The following SORL1 variants were observed in gnomAD, a reference collection of about 807,000 sequenced individuals.
SORL1 encodes sortilin-related receptor.
In SORL1, 127 loss-of-function variants were observed where a neutral mutation model predicts 273.7. That is an observed-to-expected ratio of 0.46 (90% CI 0.40 to 0.54). The LOEUF is 0.54. Ranked by LOEUF, SORL1 falls within the 20% of genes least tolerant of loss-of-function variation. The probability of loss-of-function intolerance (pLI) is 0.00; values close to 1 mark genes in which losing one functional copy is unlikely to be tolerated. For synonymous variants in SORL1, 1,031 were observed against 1,067.4 expected (o/e 0.97, Z 0.66); for missense variants, 2,494 against 2,846.1 (o/e 0.88, Z 2.81).
At chr11:121,621,598 G>T (rs1009263949) in intron 44 of SORL1, among the ~76,000 whole-genome samples, 1 of 152,202 alleles carries the variant, frequency 6.6e-6, no homozygotes, top group African/African-American at 2.4e-5. Context: ...TGGATGACAG[G>T]TTCTCAGTGG....
chr11:121,548,366 G>T (rs1267283480), intron 14 of SORL1, among the ~76,000 whole-genome samples: 7 of 152,178 alleles, frequency 4.6e-5, no homozygotes, highest in African/African-American at 4.8e-5. Flanking sequence ...TTCCTAAAAA[G>T]ATTTAAAGTG....
In SORL1 at chr11:121,625,286, C is replaced by G. The variant is rs779970199; in HGVS notation, c.6364+9C>G. On this transcript the variant is annotated intron_variant, in intron 46 of 47. Coordinates refer to ENST00000260197, the MANE Select transcript of SORL1 (RefSeq NM_003105.6). The stretch of plus-strand genomic sequence containing the variant: ...CGATGAGCTGGGGTCTGGTGAGTTG[C>G]GATTGCTGCCCGTTTCTGTCTTCAG... 1.3e-6 allele frequency: 2 copies of G among 1,597,704 alleles called. No individual in the cohort carries two copies. Among genetic ancestry groups the G allele is most frequent in the African/African-American group, 1.3e-5 (1 of 74,412 alleles).
Position 121,591,018 on chromosome 11 carries a change from T to G in SORL1, c.4231T>G (p.Phe1411Val), listed in dbSNP as rs1225063055. Residue 1411 changes from phenylalanine to valine, a missense_variant, in exon 31 of 48, where the codon TTC becomes GTC. By Grantham distance (50) the Phe-to-Val change is conservative. Around this residue, in one of 3 missense-constraint regions of SORL1, gnomAD observed 1,609 missense variants for 1,816.4 expected, o/e 0.89. Transcript: ENST00000260197. ...KDCGDSHILPFSTPGPSTCLP... is the reference protein window; with the variant it reads ...KDCGDSHILPVSTPGPSTCLP... Reference sequence around the variant, plus strand: ...TTTCTCAGATTCACATATTCTTCCCTTCTCGACTCCTGGGCCCTCCACGTG... The same window carrying G: ...TTTCTCAGATTCACATATTCTTCCCGTCTCGACTCCTGGGCCCTCCACGTG... 6.2e-7 allele frequency: 1 copy of G among 1,614,132 alleles called. No individual in the cohort carries two copies. Among genetic ancestry groups the G allele is most frequent in the African/African-American group, 1.3e-5 (1 of 74,952 alleles).
Position 121,470,044 on chromosome 11 carries a change from A to G in SORL1, c.323A>G (p.His108Arg), listed in dbSNP as rs781496618. The G allele has an allele frequency of 5.0e-6, 8 of 1,614,160 alleles. No homozygotes were observed. The highest frequency in any genetic ancestry group is 6.8e-6 in the Non-Finnish European group (8 of 1,180,012). Residue 108 changes from histidine to arginine, a missense_variant, in exon 2 of 48, where the codon CAC becomes CGC. Physicochemically the swap from His to Arg is conservative, Grantham distance 29 (BLOSUM62 0). Transcript: ENST00000260197. ...LNDSHNQMVV[H>R]WAGEKSNVIV... is the part of the protein sequence containing the mutation. ...GATTCCCACAATCAGATGGTGGTGC[A>G]CTGGGCTGGAGAGAAAAGCAACGTG...
chr11:121,488,341 C>T (rs1036216357), intron 4 of SORL1, 148 bp downstream of exon 4: 41 of 821,478 alleles, frequency 5.0e-5, no homozygotes, highest in Middle Eastern at 3.7e-4. Context: ...ATTTCACTTA[C>T]CAGGGCTCAA....
At chr11:121,547,457 A>G (rs1391915435) in intron 14 of SORL1, among the ~76,000 whole-genome samples, 1 of 142,094 alleles carries the variant, frequency 7.0e-6, no homozygotes, top group Non-Finnish European at 1.5e-5. Flanking sequence ...CACACACACA[A>G]GAAAAGAAAT....
At chr11:121,579,453 T>C (rs1301213121) in intron 25 of SORL1, among the ~76,000 whole-genome samples, 1 of 152,222 alleles carries the variant, frequency 6.6e-6, no homozygotes, top group Non-Finnish European at 1.5e-5. Flanking sequence ...TCCTCTTTGC[T>C]TTTCTTTTCG....
At chr11:121,538,002 C>G (rs573876024) in intron 12 of SORL1, among the ~76,000 whole-genome samples, 1 of 152,228 alleles carries the variant, frequency 6.6e-6, no homozygotes, top group Non-Finnish European at 1.5e-5. Flanking sequence ...TAGGTTCTCC[C>G]TTAGGTCTGC....
rs138099155 is a variant in SORL1 at position 121,604,221 on chromosome 11, C to G, written c.4548C>G (p.Ser1516Arg). Residue 1516 changes from serine to arginine, a missense_variant, in exon 33 of 48, where the codon AGC becomes AGG. By Grantham distance (110) the Ser-to-Arg change is moderately radical (BLOSUM62 -1). Coordinates refer to ENST00000260197, the MANE Select transcript of SORL1 (RefSeq NM_003105.6). ...CPTHSTLTCMSREFQCEDGEA... is the reference protein window; with the variant it reads ...CPTHSTLTCMRREFQCEDGEA... ...CACACAGCACCTTGACTTGCATGAG[C>G]AGGGAGTTCCAGTGCGAGGACGGGG... 1 of 1,614,138 alleles carries G rather than the reference C, an allele frequency of 6.2e-7. No individual in the cohort carries two copies. The highest frequency in any genetic ancestry group is 1.1e-5 in the South Asian group (1 of 91,082).
At chr11:121,489,551 A>AT (rs369113689) in intron 4 of SORL1, among the ~76,000 whole-genome samples, 3 of 152,092 alleles carry the variant, frequency 2.0e-5, no homozygotes, top group Non-Finnish European at 4.4e-5. Context: ...GCATGTGTCA[A>AT]TTTTTTTCTT....
rs776942512 is a variant in SORL1 at position 121,545,303 on chromosome 11, A to C, written c.1925A>C (p.Glu642Ala). The change falls in exon 14 of 48, where the codon GAG (glutamate) becomes GCG (alanine). Residue 642 changes from glutamate to alanine, a missense_variant. Coordinates refer to ENST00000260197, the MANE Select transcript of SORL1 (RefSeq NM_003105.6). The part of the protein sequence containing the change: ...LWSPSDERGN[E>A]CLLGHKTVFK... ...TCACCATCTGATGAGCGGGGGAATG[A>C]GTGTTTGCTGGGACACAAGACTGTT... 2.5e-6 allele frequency: 4 copies of C among 1,613,928 alleles called. No homozygotes were observed. Among genetic ancestry groups the C allele is most frequent in the Non-Finnish European group, 3.4e-6 (4 of 1,179,930 alleles).
rs1328935127 is a variant in SORL1 at position 121,476,148 on chromosome 11, C to T, written c.403-1970C>T. 2.6e-5 allele frequency among the ~76,000 whole-genome samples: 4 copies of T among 152,294 alleles called. No individual in the cohort carries two copies. The East Asian group carries it at 5.8e-4, about 22-fold the overall frequency. ...CAGAGCTGGAAGGGACTTTAGTTTC[C>T]TTCCTGAGAAGCCATTATTTTGCTC... On this transcript the variant is annotated intron_variant, in intron 2 of 47. Transcript: ENST00000260197.
chr11:121,612,716 T>C lies in SORL1; in HGVS notation c.5323-20T>C. The C allele has an allele frequency of 2.5e-6, 4 of 1,597,272 alleles. No individual in the cohort carries two copies. The highest frequency in any genetic ancestry group is 3.4e-6 in the Non-Finnish European group (4 of 1,164,726). On this transcript the variant is annotated intron_variant, in intron 39 of 47. Transcript: ENST00000260197. The stretch of plus-strand genomic sequence containing the variant: ...CCCATGACTAGCTGTTCATCTAACA[T>C]GCTTCTTGGTTCTCGGCAGGTGAAT...
At chr11:121,544,951 C>T (rs1423967010) in intron 13 of SORL1, among the ~76,000 whole-genome samples, 1 of 152,222 alleles carries the variant, frequency 6.6e-6, no homozygotes, top group African/African-American at 2.4e-5. Context: ...TCTGAGTACT[C>T]ATTTCTAAAG....
intron 2 of SORL1, among the ~76,000 whole-genome samples, chr11:121,477,397 G>T (rs1320526576): frequency 1.3e-5 from 2 of 152,240 alleles, no homozygotes; most frequent in Non-Finnish European, 2.9e-5. Context: ...CCATTCAACA[G>T]ATGGCAAAAC....
At position 121,513,080 on chromosome 11, in the gene SORL1, G is replaced by C. The variant is rs763839284; in HGVS notation, c.1017G>C (p.Gln339His). Residue 339 changes from glutamine to histidine, a missense_variant, in exon 7 of 48, where the codon CAG becomes CAC. Physicochemically the swap from Gln to His is conservative, Grantham distance 24. This residue lies in a region of SORL1 where 710 missense variants were observed against 882.5 expected (regional missense o/e 0.80). Coordinates refer to ENST00000260197, the MANE Select transcript of SORL1 (RefSeq NM_003105.6). ...GCCGGAAGCCCATGAGAGCAGCCCA[G>C]TTTGTCACAAGACATCCTATTAATG... The part of the protein sequence containing the change: ...SFGRKPMRAA[Q>H]FVTRHPINEY... The C allele has an allele frequency of 1.2e-6, 2 of 1,613,786 alleles. No homozygotes were observed. The highest frequency in any genetic ancestry group is 2.2e-5 in the South Asian group (2 of 91,082).
intron 12 of SORL1, among the ~76,000 whole-genome samples, chr11:121,534,100 T>C (rs1304083111): frequency 6.6e-6 from 1 of 152,198 alleles, no homozygotes; most frequent in Non-Finnish European, 1.5e-5. Flanking sequence ...AGTTGAAAGG[T>C]GGGCGACGAA....
intron 1 of SORL1, among the ~76,000 whole-genome samples, chr11:121,464,269 G>A (rs1375126198): frequency 6.6e-6 from 1 of 152,138 alleles, no homozygotes; most frequent in East Asian, 1.9e-4. Context: ...ATTCTATTCA[G>A]TGGCCCCACC....
At chr11:121,623,640 T>C (rs1355428326) in intron 45 of SORL1, among the ~76,000 whole-genome samples, 1 of 152,220 alleles carries the variant, frequency 6.6e-6, no homozygotes, top group Non-Finnish European at 1.5e-5. Flanking sequence ...ACTGCTGGCT[T>C]ATAGGAAAGA....
Sources: gnomAD v4.1 joint callset for allele counts (sites outside exome capture counted in the v4.1 genomes callset) on GRCh38, gnomAD v4.1.1 for gene constraint, gnomAD v4.1.1 regional missense constraint, MANE v1.5 for transcripts, NCBI Gene and HGNC (gene_info 2026-07-23, HGNC 2026-07-21) for gene names.